Variants in CAPZB observed in about 807,000 individuals in gnomAD.
CAPZB encodes the protein F-actin-capping protein subunit beta.
Under a neutral mutation model 38.1 loss-of-function variants are expected in CAPZB, and 2 were observed. The ratio of observed to expected loss-of-function variants is 0.05; its 90% CI spans 0.02 to 0.17. CAPZB has a LOEUF of 0.17. CAPZB is among the 10% of genes least tolerant of loss of function. The probability of loss-of-function intolerance (pLI) is 1.00; values close to 1 mark genes in which losing one functional copy is unlikely to be tolerated. For synonymous variants in CAPZB, 107 were observed against 127.4 expected, an observed-to-expected ratio of 0.84 and a Z score of 1.08; for missense variants, 161 against 334.2, an observed-to-expected ratio of 0.48 and a Z score of 4.04.
At chr1:19,430,313 C>T (rs1044091554) in intron 1 of CAPZB, among the ~76,000 whole-genome samples, 2 of 152,222 alleles carry the variant, frequency 1.3e-5, no homozygotes, top group Non-Finnish European at 2.9e-5. Context: ...GTTGATCTTT[C>T]CCTTACACAT....
chr1:19,446,763 CAAGT>C (rs760328583), intron 1 of CAPZB, among the ~76,000 whole-genome samples: 3 of 152,168 alleles, frequency 2.0e-5, no homozygotes, highest in East Asian at 1.9e-4. Context: ...AATTTACTAT[CAAGT>C]GAGTAAAAAA....
rs1468990954 is a variant in CAPZB at position 19,357,722 on chromosome 1, G to C, written c.330-159C>G. ...TGTGTTCTGATCGTTCTGTGGCTGG[G>C]GGAGGGGGTGCAGCATTCCTGGGGG... On this transcript the variant is annotated intron_variant, in intron 4 of 8. Coordinates refer to ENST00000264202, the MANE Select transcript of CAPZB (RefSeq NM_004930.5). This position sits in a 1 kb window ranked among gnomAD's most constrained non-coding sequence, Gnocchi z 4.3. Among the ~76,000 whole-genome samples, 1 of 152,070 alleles carries C rather than the reference G, an allele frequency of 6.6e-6. No individual in the cohort carries two copies. Among genetic ancestry groups the C allele is most frequent in the Non-Finnish European group, 1.5e-5 (1 of 68,010 alleles).
chr1:19,359,230 T>C (rs1380033316), intron 4 of CAPZB, among the ~76,000 whole-genome samples: 3 of 115,202 alleles, frequency 2.6e-5, no homozygotes, highest in African/African-American at 9.9e-5. Context: ...TTTTTTTTTT[T>C]TTGCAATTTT....
Position 19,357,637 on chromosome 1 carries a change from C to T in CAPZB, c.330-74G>A. The T allele has an allele frequency of 3.3e-6, 5 of 1,501,606 alleles. No individual in the cohort carries two copies. The highest frequency in any genetic ancestry group is 4.6e-6 in the Non-Finnish European group (5 of 1,088,702). The allele number at this position is 1,501,606 out of a possible 1,614,324, so 93.0% of individuals were successfully genotyped here. ...TCAGCCTGGGTCCCAGGCTGCTGCTCAGCAAAGATTCTGGGATTCAGGGCC... is the reference window on the plus strand; with the variant it reads ...TCAGCCTGGGTCCCAGGCTGCTGCTTAGCAAAGATTCTGGGATTCAGGGCC... On this transcript the variant is annotated intron_variant, in intron 4 of 8. Transcript: ENST00000264202. The surrounding 1 kb of genome is among the most constrained non-coding windows in gnomAD (Gnocchi z 4.3).
At chr1:19,444,298 C>T (rs2094489175) in intron 1 of CAPZB, among the ~76,000 whole-genome samples, 1 of 152,196 alleles carries the variant, frequency 6.6e-6, no homozygotes, top group Non-Finnish European at 1.5e-5. Context: ...CTTGCCCCTC[C>T]ATCAGTCTGC....
rs372730308 is a variant in CAPZB at position 19,411,987 on chromosome 1, T to C, written c.93+7674A>G. On this transcript the variant is annotated intron_variant, in intron 2 of 8. Transcript: ENST00000264202. ...AGCTTGGCACCCACCGTCCAGAGCA[T>C]GCCTCCTGCTCTCCCTGCCTCAGTC... 2.7e-4 allele frequency among the ~76,000 whole-genome samples: 41 copies of C among 152,326 alleles called. No homozygotes were observed. The South Asian group carries it at 4.4e-3, about 16-fold the overall frequency.
chr1:19,392,417 C>T (rs1267948967), intron 2 of CAPZB, among the ~76,000 whole-genome samples: 1 of 151,156 alleles, frequency 6.6e-6, no homozygotes, highest in Non-Finnish European at 1.5e-5. Flanking sequence ...AGTGCAAGAA[C>T]AGAGAGGAGC....
chr1:19,458,337 A>AGTTTT (rs72022426), intron 1 of CAPZB, among the ~76,000 whole-genome samples: 6 of 151,302 alleles, frequency 4.0e-5, no homozygotes, highest in Non-Finnish European at 8.9e-5. Flanking sequence ...TATTTATCCA[A>AGTTTT]GTTTTGTTTT....
At chr1:19,438,513 G>A (rs550778021) in intron 1 of CAPZB, among the ~76,000 whole-genome samples, 5 of 152,282 alleles carry the variant, frequency 3.3e-5, no homozygotes, top group African/African-American at 1.2e-4. Flanking sequence ...GTGAAGAGAG[G>A]AGCCTTTCTC....
At chr1:19,409,251 G>A (rs2094346793) in intron 2 of CAPZB, among the ~76,000 whole-genome samples, 1 of 152,084 alleles carries the variant, frequency 6.6e-6, no homozygotes. Flanking sequence ...ATTTCTCCCA[G>A]TCAATCGCTG....
chr1:19,378,781 T>G lies in CAPZB; in HGVS notation c.216-128A>C, dbSNP rs116550988. 3,356 of 608,660 alleles carry G rather than the reference T, an allele frequency of 5.5e-3. 86 individuals carry two copies. In the African/African-American group the frequency reaches 0.055, roughly 10 times the overall value. 37.7% of individuals were successfully genotyped at this position (608,660 alleles called of 1,614,324 possible). A position where few individuals can be genotyped will look rare whatever the true frequency, so the allele number is the denominator to read the frequency against. On this transcript the variant is annotated intron_variant, in intron 3 of 8. Transcript: ENST00000264202. ...AGCCGCTAACTCCAGCAAAGATTTT[T>G]CTGGGTCCTGGCAACAAACAGGGCT...
rs571961013 is a variant in CAPZB at position 19,419,891 on chromosome 1, C to T, written c.4-141G>A. The T allele has an allele frequency of 1.4e-3, 852 of 602,288 alleles. 5 individuals carry two copies. Among genetic ancestry groups the T allele is most frequent in the South Asian group, 7.0e-3 (343 of 48,772 alleles). The allele number at this position is 602,288 out of a possible 1,614,324, so 37.3% of individuals were successfully genotyped here. ...GGCCCTCCGCCAGGTCTCTGTGTGC[C>T]AGCAGCCTGGAGCGGGGGGCGACTG... On this transcript the variant is annotated intron_variant, in intron 1 of 8. Transcript: ENST00000264202.
intron 2 of CAPZB, among the ~76,000 whole-genome samples, chr1:19,412,689 C>T (rs368865221): frequency 2.4e-4 from 36 of 152,284 alleles, no homozygotes; most frequent in African/African-American, 8.7e-4. Context: ...TTCTTTCTTC[C>T]TCTATTGACA....
chr1:19,414,470 G>A (rs1420441425), intron 2 of CAPZB, among the ~76,000 whole-genome samples: 1 of 152,146 alleles, frequency 6.6e-6, no homozygotes, highest in East Asian at 1.9e-4. Flanking sequence ...CCTTGATAGA[G>A]TAAAGTCTGG....
chr1:19,395,508 G>C (rs780332529), intron 2 of CAPZB, among the ~76,000 whole-genome samples: 11 of 152,278 alleles, frequency 7.2e-5, no homozygotes, highest in Middle Eastern at 3.4e-3. Context: ...CCTGGAAGGG[G>C]CCACAACGGT....
intron 4 of CAPZB, among the ~76,000 whole-genome samples, chr1:19,364,896 G>A (rs918002427): frequency 1.3e-5 from 2 of 151,474 alleles, no homozygotes; most frequent in East Asian, 1.9e-4. Flanking sequence ...GCCCAGGTTG[G>A]AGTGCAATGG....
intron 1 of CAPZB, among the ~76,000 whole-genome samples, chr1:19,471,670 C>T (rs754673726): frequency 2.6e-5 from 4 of 152,056 alleles, no homozygotes; most frequent in Admixed American, 6.5e-5. Context: ...CAAGACCATC[C>T]TGGCTAACAC....
intron 2 of CAPZB, among the ~76,000 whole-genome samples, chr1:19,417,460 T>C (rs2094384974): frequency 6.6e-6 from 1 of 152,176 alleles, no homozygotes; most frequent in South Asian, 2.1e-4. Context: ...TGCCCACCTC[T>C]TCCACGTAGG....
intron 1 of CAPZB, among the ~76,000 whole-genome samples, chr1:19,477,308 C>T (rs914375317): frequency 3.3e-5 from 5 of 152,206 alleles, no homozygotes; most frequent in Non-Finnish European, 5.9e-5. Context: ...CTCAGGACAA[C>T]CAGGGGTCCA....
Sources: gnomAD v4.1 joint callset for allele counts (sites outside exome capture counted in the v4.1 genomes callset) on GRCh38, gnomAD v4.1.1 for gene constraint, Gnocchi (gnomAD v3.1) non-coding constraint, MANE v1.5 for transcripts, NCBI Gene and HGNC (gene_info 2026-07-23, HGNC 2026-07-21) for gene names.